Variants in BLTP1 observed in about 807,000 individuals in gnomAD.
The protein encoded by BLTP1 is bridge-like lipid transfer protein family member 1, also known as fragile site-associated protein.
the BLTP1 span, chr4:122,208,508 A>G: frequency 3.2e-6 from 3 of 946,408 alleles, no homozygotes; most frequent in African/African-American, 5.3e-5. Flanking sequence ...TACTAGAATC[A>G]AATGAGACAA....
the BLTP1 span, chr4:122,224,420 G>C: frequency 2.8e-6 from 4 of 1,441,312 alleles, no homozygotes; most frequent in Non-Finnish European, 3.7e-6. Context: ...ATCTCTGCAG[G>C]GGGTGTGGGG....
the BLTP1 span, among the ~76,000 whole-genome samples, chr4:122,168,404 C>T: frequency 6.6e-6 from 1 of 152,166 alleles, no homozygotes; most frequent in African/African-American, 2.4e-5. Flanking sequence ...TCTCATGAAA[C>T]TTCCAGAGTC....
chr4:122,342,346 AT>A, the BLTP1 span, among the ~76,000 whole-genome samples: 1 of 150,684 alleles, frequency 6.6e-6, no homozygotes, highest in Non-Finnish European at 1.5e-5. Context: ...CTTTTTATTT[AT>A]TTATTTATTT....
the BLTP1 span, chr4:122,353,932 A>G: frequency 6.2e-7 from 1 of 1,613,938 alleles, no homozygotes; most frequent in Non-Finnish European, 8.5e-7. The surrounding 1 kb of genome is among the most constrained non-coding windows in gnomAD (Gnocchi z 4.3). Flanking sequence ...TAACCAAGAT[A>G]ACAAGGCGTC....
the BLTP1 span, chr4:122,205,834 C>T: frequency 3.6e-6 from 1 of 276,042 alleles, no homozygotes; most frequent in Non-Finnish European, 5.4e-6. Context: ...ATTTTATGTA[C>T]ATGGTATTGT....
At chr4:122,347,838 T>G in the BLTP1 span, 5 of 1,257,744 alleles carry the variant, frequency 4.0e-6, no homozygotes, top group Non-Finnish European at 4.4e-6. Flanking sequence ...AAAATCTTAG[T>G]TACTCTCAGA....
the BLTP1 span, chr4:122,210,746 A>G: frequency 9.4e-7 from 1 of 1,060,926 alleles, no homozygotes; most frequent in Non-Finnish European, 1.3e-6. Flanking sequence ...TGTTTTCATT[A>G]TATATACATT....
chr4:122,289,615 A>G, the BLTP1 span: 1 of 985,384 alleles, frequency 1.0e-6, no homozygotes, highest in African/African-American at 1.7e-5. Context: ...TTCCTCAAGA[A>G]TAGCTTACAG....
At chr4:122,229,758 G>A in the BLTP1 span, 1 of 956,692 alleles carries the variant, frequency 1.0e-6, no homozygotes, top group Non-Finnish European at 1.2e-6. Flanking sequence ...TAACTTTTCT[G>A]TTCCCTTCTT....
At chr4:122,325,358 A>G in the BLTP1 span, 1 of 1,558,648 alleles carries the variant, frequency 6.4e-7, no homozygotes, top group Non-Finnish European at 8.7e-7. Flanking sequence ...ATACATTGCT[A>G]AGTAGTTTTT....
chr4:122,240,167 G>T, the BLTP1 span: 2 of 1,614,062 alleles, frequency 1.2e-6, no homozygotes, highest in Non-Finnish European at 1.7e-6. Context: ...AGATTACTCC[G>T]CAACAACCCG....
the BLTP1 span, chr4:122,232,012 T>A: frequency 1.0e-6 from 1 of 955,114 alleles, no homozygotes; most frequent in Non-Finnish European, 1.2e-6. Context: ...CCACTTAGTG[T>A]GAACCAAATG....
chr4:122,327,060 ACT>A, the BLTP1 span, among the ~76,000 whole-genome samples: 1 of 151,414 alleles, frequency 6.6e-6, no homozygotes, highest in South Asian at 2.1e-4. Context: ...TAACTCTGTG[ACT>A]CTGTGAAGCT....
At chr4:122,190,597 A>T in the BLTP1 span, 1 of 615,136 alleles carries the variant, frequency 1.6e-6, no homozygotes, top group African/African-American at 2.0e-5. Context: ...AGAGAACATT[A>T]TTTTTTTCAA....
At chr4:122,254,521 A>T in the BLTP1 span, 1 of 936,818 alleles carries the variant, frequency 1.1e-6, no homozygotes, top group Non-Finnish European at 1.3e-6. Flanking sequence ...ACCTTGTTTG[A>T]CCCAATTTCT....
the BLTP1 span, chr4:122,227,773 A>G: frequency 2.0e-5 from 3 of 152,134 alleles, no homozygotes; most frequent in African/African-American, 4.8e-5. Context: ...TATTATAAAC[A>G]CATTTCCAGG....
At chr4:122,183,556 C>A in the BLTP1 span, 1 of 979,842 alleles carries the variant, frequency 1.0e-6, no homozygotes, top group African/African-American at 1.8e-5. Context: ...TATTTGGGCC[C>A]CAGTTAACAA....
chr4:122,163,635 C>T, the BLTP1 span, among the ~76,000 whole-genome samples: 1 of 152,190 alleles, frequency 6.6e-6, no homozygotes, highest in Admixed American at 6.5e-5. Flanking sequence ...TGCTTTACAT[C>T]AACTTATCAA....
At chr4:122,172,581 G>A in the BLTP1 span, among the ~76,000 whole-genome samples, 3 of 152,048 alleles carry the variant, frequency 2.0e-5, no homozygotes, top group South Asian at 6.2e-4. Context: ...TTAAAGCACA[G>A]CTTTAAAAAG....
Sources: gnomAD v4.1 joint callset for allele counts (sites outside exome capture counted in the v4.1 genomes callset) on GRCh38, gnomAD v4.1.1 for gene constraint, Gnocchi (gnomAD v3.1) non-coding constraint, MANE v1.5 for transcripts, NCBI Gene and HGNC (gene_info 2026-07-23, HGNC 2026-07-21) for gene names.